NBAS: variants seen among roughly 807,000 people sequenced by gnomAD.
NBAS encodes NAG/BC035112 fusion.
Under a neutral mutation model 302.5 loss-of-function variants are expected in NBAS, and 219 were observed. The observed-to-expected ratio is 0.72, with a 90% CI of 0.65 to 0.81. The LOEUF is 0.81. Ranked by LOEUF, NBAS falls within the 30% of genes least tolerant of loss-of-function variation. The probability of loss-of-function intolerance (pLI) is 0.00; values close to 1 mark genes in which losing one functional copy is unlikely to be tolerated. For missense variants in NBAS, 2,932 were observed against 2,841.6 expected (o/e 1.03, Z -0.72); for synonymous variants, 1,118 against 1,021.6 (o/e 1.09, Z -1.80).
chr2:15,306,227 T>C (rs982047473), intron 40 of NBAS, among the ~76,000 whole-genome samples: 3 of 152,136 alleles, frequency 2.0e-5, no homozygotes, highest in Admixed American at 2.0e-4. Context: ...AAAAACAAAA[T>C]TACTAGAGTA....
At chr2:15,110,151 TGAATACCTAAAG>T in the NBAS span, among the ~76,000 whole-genome samples, 1 of 151,930 alleles carries the variant, frequency 6.6e-6, no homozygotes, top group Non-Finnish European at 1.5e-5. Flanking sequence ...GCTACAAAGA[TGAATACCTAAAG>T]GAAGTCACCT....
chr2:14,803,947 G>A, the NBAS span, among the ~76,000 whole-genome samples: 3 of 152,168 alleles, frequency 2.0e-5, no homozygotes, highest in Non-Finnish European at 4.4e-5. Flanking sequence ...ACCGTGCCCA[G>A]CCTTGTCTGC....
At chr2:15,240,104 G>A (rs1431482140) in intron 44 of NBAS, among the ~76,000 whole-genome samples, 2 of 152,092 alleles carry the variant, frequency 1.3e-5, no homozygotes, top group African/African-American at 4.8e-5. Flanking sequence ...AAAAGGACGT[G>A]TTGATTTTTT....
chr2:15,034,215 A>AG, the NBAS span, among the ~76,000 whole-genome samples: 1 of 35,950 alleles, frequency 2.8e-5, no homozygotes, highest in South Asian at 7.6e-4. Context: ...GAAAGGAAAG[A>AG]AAGAGAGGGA....
the NBAS span, among the ~76,000 whole-genome samples, chr2:15,091,156 G>A: frequency 0.28 from 43,134 of 152,000 alleles, 6,346 homozygotes; most frequent in South Asian, 0.39. Flanking sequence ...GCTGTCTGTC[G>A]GTTAATACGT....
chr2:15,142,002 G>C, the NBAS span, among the ~76,000 whole-genome samples: 2 of 152,218 alleles, frequency 1.3e-5, no homozygotes, highest in African/African-American at 2.4e-5. Flanking sequence ...GTGTGAGTCT[G>C]TGACATTTAC....
chr2:14,952,715 CTT>C, the NBAS span, among the ~76,000 whole-genome samples: 1 of 152,316 alleles, frequency 6.6e-6, no homozygotes, highest in South Asian at 2.1e-4. Flanking sequence ...AGCAGGGAGT[CTT>C]TTCAAGGTCA....
the NBAS span, among the ~76,000 whole-genome samples, chr2:14,822,981 A>C: frequency 6.6e-6 from 1 of 152,236 alleles, no homozygotes; most frequent in African/African-American, 2.4e-5. Flanking sequence ...TGACAGACCC[A>C]GGGTTTGAAC....
At chr2:15,496,048 A>G (rs1315977231) in intron 11 of NBAS, among the ~76,000 whole-genome samples, 2 of 151,528 alleles carry the variant, frequency 1.3e-5, no homozygotes, top group African/African-American at 2.4e-5. Flanking sequence ...ATGGATAAAT[A>G]AAACACTGTG....
the NBAS span, among the ~76,000 whole-genome samples, chr2:15,032,537 T>C: frequency 2.0e-5 from 3 of 152,210 alleles, no homozygotes; most frequent in Non-Finnish European, 2.9e-5. Flanking sequence ...TTCCTCCTCA[T>C]AGCTTGTAGT....
the NBAS span, among the ~76,000 whole-genome samples, chr2:15,060,139 G>A: frequency 6.6e-6 from 1 of 152,116 alleles, no homozygotes; most frequent in South Asian, 2.1e-4. Context: ...ATCTATAAAA[G>A]GGGGATAATT....
chr2:15,372,327 T>C (rs1674526663), intron 31 of NBAS, among the ~76,000 whole-genome samples: 1 of 152,202 alleles, frequency 6.6e-6, no homozygotes, highest in Non-Finnish European at 1.5e-5. Context: ...TACATGCGAC[T>C]TCTGTTCCTG....
intron 47 of NBAS, among the ~76,000 whole-genome samples, chr2:15,229,353 A>AC (rs1333933149): frequency 1.1e-4 from 16 of 144,208 alleles, no homozygotes; most frequent in African/African-American, 2.5e-4. Flanking sequence ...AAAACAAAAA[A>AC]AAAAAAAAAA....
At chr2:15,551,410 A>G (rs1195712785) in intron 6 of NBAS, 83 bp downstream of exon 6, 5 of 850,366 alleles carry the variant, frequency 5.9e-6, no homozygotes, top group African/African-American at 1.7e-5. Context: ...TAAATATTTA[A>G]TATCTATTCT....
intron 47 of NBAS, 99 bp downstream of exon 47, chr2:15,232,323 G>T: frequency 8.9e-7 from 1 of 1,125,048 alleles, no homozygotes; most frequent in Non-Finnish European, 1.3e-6. Flanking sequence ...TAAAAATGTG[G>T]CTTAGTCTTG....
chr2:14,866,688 G>T, the NBAS span, among the ~76,000 whole-genome samples: 2 of 152,106 alleles, frequency 1.3e-5, no homozygotes, highest in Non-Finnish European at 2.9e-5. Flanking sequence ...ATGGTCAAAT[G>T]AGGTTATGTG....
intron 25 of NBAS, among the ~76,000 whole-genome samples, chr2:15,413,377 G>A (rs2148454437): frequency 6.6e-6 from 1 of 152,270 alleles, no homozygotes; most frequent in South Asian, 2.1e-4. Flanking sequence ...AGCAAAGGGG[G>A]AGAGAGAGAA....
chr2:15,108,910 C>A, the NBAS span, among the ~76,000 whole-genome samples: 1 of 152,058 alleles, frequency 6.6e-6, no homozygotes, highest in Admixed American at 6.6e-5. Context: ...TTAAAACCTG[C>A]TAAATACCAC....
chr2:15,032,805 G>A, the NBAS span, among the ~76,000 whole-genome samples: 1 of 152,172 alleles, frequency 6.6e-6, no homozygotes, highest in South Asian at 2.1e-4. Flanking sequence ...AAGGAATGAA[G>A]GAAGGTTATC....
Sources: gnomAD v4.1 joint callset for allele counts (sites outside exome capture counted in the v4.1 genomes callset) on GRCh38, gnomAD v4.1.1 for gene constraint, MANE v1.5 for transcripts, NCBI Gene and HGNC (gene_info 2026-07-23, HGNC 2026-07-21) for gene names.